Variants in ENTREP2 observed in about 807,000 individuals in gnomAD.
ENTREP2 encodes the protein protein ENTREP2.
chr15:29,499,891 T>C, the ENTREP2 span, among the ~76,000 whole-genome samples: 1 of 151,946 alleles, frequency 6.6e-6, no homozygotes, highest in South Asian at 2.1e-4. Flanking sequence ...AGGTTGAAAG[T>C]AAAAGGAAAG....
At chr15:29,155,289 GAA>G in the ENTREP2 span, among the ~76,000 whole-genome samples, 53 of 127,520 alleles carry the variant, frequency 4.2e-4, no homozygotes, top group Middle Eastern at 0.01. Flanking sequence ...CTCATAAAAA[GAA>G]AAAAAAAAAA....
the ENTREP2 span, among the ~76,000 whole-genome samples, chr15:29,597,295 G>A: frequency 6.6e-5 from 10 of 152,128 alleles, no homozygotes; most frequent in Non-Finnish European, 7.4e-5. Context: ...AGAGTCAGGC[G>A]CGGTGGCTCA....
chr15:29,247,673 T>C, the ENTREP2 span, among the ~76,000 whole-genome samples: 1 of 152,146 alleles, frequency 6.6e-6, no homozygotes, highest in African/African-American at 2.4e-5. Flanking sequence ...CCACCCAGCA[T>C]ACATGTCCAG....
chr15:29,447,326 C>G, the ENTREP2 span, among the ~76,000 whole-genome samples: 7 of 152,272 alleles, frequency 4.6e-5, no homozygotes, highest in Non-Finnish European at 1.0e-4. Flanking sequence ...ACCACCTCTG[C>G]TGATCAGTGG....
At chr15:29,144,488 G>T in the ENTREP2 span, among the ~76,000 whole-genome samples, 1 of 152,154 alleles carries the variant, frequency 6.6e-6, no homozygotes, top group Non-Finnish European at 1.5e-5. Context: ...AAGCACTTGG[G>T]GAGCCCAAGG....
chr15:29,476,326 G>A, the ENTREP2 span, among the ~76,000 whole-genome samples: 1 of 152,154 alleles, frequency 6.6e-6, no homozygotes, highest in Non-Finnish European at 1.5e-5. Flanking sequence ...CCCCATAAAA[G>A]GGAAAACGTC....
At chr15:29,649,011 T>C in the ENTREP2 span, among the ~76,000 whole-genome samples, 1 of 149,472 alleles carries the variant, frequency 6.7e-6, no homozygotes. Flanking sequence ...TCTCAAATAG[T>C]AGAACTAGTA....
chr15:29,386,989 T>C, the ENTREP2 span, among the ~76,000 whole-genome samples: 3 of 152,218 alleles, frequency 2.0e-5, no homozygotes, highest in Non-Finnish European at 4.4e-5. Context: ...ATACCCTTTA[T>C]TTCTTTCTCC....
the ENTREP2 span, among the ~76,000 whole-genome samples, chr15:29,136,018 C>G: frequency 1.3e-5 from 2 of 152,194 alleles, no homozygotes; most frequent in African/African-American, 2.4e-5. Flanking sequence ...AAAGCTCAGA[C>G]GCACCTGGGC....
the ENTREP2 span, among the ~76,000 whole-genome samples, chr15:29,465,639 T>G: frequency 3.3e-5 from 5 of 152,248 alleles, no homozygotes; most frequent in African/African-American, 1.2e-4. Context: ...CTCTGAGTCT[T>G]TGATTCTCAA....
At chr15:29,296,791 C>A in the ENTREP2 span, among the ~76,000 whole-genome samples, 4 of 152,074 alleles carry the variant, frequency 2.6e-5, no homozygotes, top group Admixed American at 6.6e-5. Flanking sequence ...TTGGTCAAAT[C>A]AGAGCTTTCT....
the ENTREP2 span, among the ~76,000 whole-genome samples, chr15:29,129,985 C>G: frequency 0.81 from 122,890 of 152,152 alleles, 52,214 homozygotes; most frequent in Non-Finnish European, 0.94. Context: ...CTGCGACTTG[C>G]TCTGATTCCA....
the ENTREP2 span, among the ~76,000 whole-genome samples, chr15:29,657,873 C>CAT: frequency 6.6e-6 from 1 of 151,824 alleles, no homozygotes; most frequent in Non-Finnish European, 1.5e-5. Context: ...TGTATATATA[C>CAT]ATATATATAA....
chr15:29,268,478 C>G, the ENTREP2 span: 2 of 322,778 alleles, frequency 6.2e-6, no homozygotes. Flanking sequence ...AAGCAACTTA[C>G]TTATGTGTTC....
the ENTREP2 span, among the ~76,000 whole-genome samples, chr15:29,532,483 T>A: frequency 6.6e-6 from 1 of 152,158 alleles, no homozygotes; most frequent in Non-Finnish European, 1.5e-5. Context: ...AACTGGTGCA[T>A]CCCACACACT....
chr15:29,419,823 C>G, the ENTREP2 span, among the ~76,000 whole-genome samples: 1 of 152,008 alleles, frequency 6.6e-6, no homozygotes, highest in Non-Finnish European at 1.5e-5. Context: ...AATTCTATCA[C>G]CAAGAAAATA....
the ENTREP2 span, among the ~76,000 whole-genome samples, chr15:29,529,659 G>C: frequency 2.0e-5 from 3 of 152,064 alleles, no homozygotes; most frequent in Non-Finnish European, 4.4e-5. Context: ...CCAGATGCCA[G>C]AGCACCCAAA....
At chr15:29,552,229 A>C in the ENTREP2 span, among the ~76,000 whole-genome samples, 1 of 152,202 alleles carries the variant, frequency 6.6e-6, no homozygotes, top group Non-Finnish European at 1.5e-5. Context: ...AAAACAAAAA[A>C]ACTCGGGAGA....
the ENTREP2 span, among the ~76,000 whole-genome samples, chr15:29,492,158 A>G: frequency 5.9e-5 from 9 of 152,160 alleles, no homozygotes; most frequent in Admixed American, 2.6e-4. Context: ...TGTACCATAG[A>G]CATCCCCATT....
Sources: allele counts gnomAD v4.1 joint callset (sites outside exome capture counted in the v4.1 genomes callset), GRCh38; gene constraint gnomAD v4.1.1; transcripts MANE v1.5; gene names NCBI Gene and HGNC (gene_info 2026-07-23, HGNC 2026-07-21).